Variants in VAT1L observed in about 807,000 individuals in gnomAD.
The protein encoded by VAT1L is vesicle amine transport 1 like.
VAT1L carries 34 observed loss-of-function variants against 44.1 expected under a neutral mutation model. The observed-to-expected ratio is 0.77, with a 90% CI of 0.59 to 1.03. The LOEUF is 1.03. VAT1L is among the 50% of genes least tolerant of loss of function. The probability of loss-of-function intolerance (pLI) is 0.00; values close to 1 mark genes in which losing one functional copy is unlikely to be tolerated. For synonymous variants in VAT1L, 253 were observed against 202.2 expected (o/e 1.25, Z -2.13); for missense variants, 615 against 538.8 (o/e 1.14, Z -1.40).
At chr16:77,881,419 T>A (rs1436027385) in intron 6 of VAT1L, among the ~76,000 whole-genome samples, 1 of 152,216 alleles carries the variant, frequency 6.6e-6, no homozygotes, top group Non-Finnish European at 1.5e-5. Flanking sequence ...AACATGATTA[T>A]AAATGGCTAT....
intron 7 of VAT1L, among the ~76,000 whole-genome samples, chr16:77,890,233 C>T (rs1260001469): frequency 6.6e-6 from 1 of 151,956 alleles, no homozygotes; most frequent in Admixed American, 6.6e-5. Context: ...ACAGCATGAA[C>T]AACATCACAG....
chr16:77,917,927 A>G (rs942888937), intron 7 of VAT1L, among the ~76,000 whole-genome samples: 1 of 152,216 alleles, frequency 6.6e-6, no homozygotes, highest in Non-Finnish European at 1.5e-5. Context: ...AGTTCTGTAT[A>G]TGCAAGACTC....
At chr16:77,827,602 C>T (rs1182305094) in intron 3 of VAT1L, among the ~76,000 whole-genome samples, 1 of 152,174 alleles carries the variant, frequency 6.6e-6, no homozygotes, top group African/African-American at 2.4e-5. Flanking sequence ...ATAGCACAGG[C>T]TATGTTGTCC....
intron 7 of VAT1L, among the ~76,000 whole-genome samples, chr16:77,916,160 G>A (rs574289025): frequency 6.6e-6 from 1 of 152,168 alleles, no homozygotes; most frequent in Non-Finnish European, 1.5e-5. Flanking sequence ...ACGAAAGGGG[G>A]CCAAGGGCAG....
intron 2 of VAT1L, among the ~76,000 whole-genome samples, chr16:77,823,493 C>T (rs2016484414): frequency 2.6e-5 from 4 of 152,042 alleles, no homozygotes; most frequent in Admixed American, 6.6e-5. Context: ...GCAAACATGG[C>T]GGGTGCTCAT....
intron 4 of VAT1L, among the ~76,000 whole-genome samples, chr16:77,871,374 C>T (rs572988568): frequency 6.6e-6 from 1 of 152,148 alleles, no homozygotes; most frequent in South Asian, 2.1e-4. Flanking sequence ...GGGCAGGTGG[C>T]CTGAATGTGA....
chr16:77,864,111 G>A (rs1373915838), intron 4 of VAT1L, among the ~76,000 whole-genome samples: 1 of 152,136 alleles, frequency 6.6e-6, no homozygotes, highest in African/African-American at 2.4e-5. Context: ...CTGCCATCAT[G>A]GTTTTAGATG....
At chr16:77,920,757 G>T (rs571109632) in intron 7 of VAT1L, among the ~76,000 whole-genome samples, 1 of 152,206 alleles carries the variant, frequency 6.6e-6, no homozygotes, top group Admixed American at 6.5e-5. Flanking sequence ...CCAGTAACAT[G>T]CTGTACAGAT....
At chr16:77,837,429 G>A (rs1458966902) in intron 3 of VAT1L, among the ~76,000 whole-genome samples, 1 of 152,118 alleles carries the variant, frequency 6.6e-6, no homozygotes, top group Non-Finnish European at 1.5e-5. Flanking sequence ...TAAACCTCAG[G>A]CTCCTGTGTC....
At chr16:77,968,931 GC>G (rs1475020911) in intron 7 of VAT1L, among the ~76,000 whole-genome samples, 2 of 151,994 alleles carry the variant, frequency 1.3e-5, no homozygotes, top group Non-Finnish European at 2.9e-5. Context: ...CAATTCTCCT[GC>G]CTCAGCCTCC....
At chr16:77,883,883 C>T (rs1343649818) in intron 6 of VAT1L, among the ~76,000 whole-genome samples, 2 of 152,236 alleles carry the variant, frequency 1.3e-5, no homozygotes, top group East Asian at 1.9e-4. Context: ...TCATGTTCCC[C>T]ACCACATTGT....
intron 1 of VAT1L, among the ~76,000 whole-genome samples, chr16:77,814,100 A>G (rs562400243): frequency 4.2e-4 from 64 of 152,318 alleles, no homozygotes; most frequent in Non-Finnish European, 7.9e-4. Context: ...AAAAATTGGT[A>G]TGATAGTTCA....
Position 77,936,580 on chromosome 16 carries a change from C to T in VAT1L, c.1078-35270C>T, listed in dbSNP as rs542319780. Among the ~76,000 whole-genome samples the T allele has an allele frequency of 5.3e-5, 8 of 152,118 alleles. No homozygotes were observed. The South Asian group carries it at 1.2e-3, about 24-fold the overall frequency. On this transcript the variant is annotated intron_variant, in intron 7 of 8. Coordinates refer to ENST00000302536, the MANE Select transcript of VAT1L (RefSeq NM_020927.3). ...AAGAGTGAGAAAAATGGGATTTACT[C>T]GGCAAAAAGGAAAAAAAGGGGAAAC...
intron 2 of VAT1L, among the ~76,000 whole-genome samples, chr16:77,821,985 T>G (rs1329085006): frequency 6.6e-6 from 1 of 152,182 alleles, no homozygotes; most frequent in Non-Finnish European, 1.5e-5. Context: ...TTCTCGTGTT[T>G]CCTGCTGCTT....
At chr16:77,933,755 TA>T (rs2017759487) in intron 7 of VAT1L, among the ~76,000 whole-genome samples, 1 of 152,028 alleles carries the variant, frequency 6.6e-6, no homozygotes, top group Admixed American at 6.5e-5. Flanking sequence ...TGGGTACATT[TA>T]AAAAACAACA....
At chr16:77,961,272 G>A (rs2018157022) in intron 7 of VAT1L, among the ~76,000 whole-genome samples, 1 of 152,076 alleles carries the variant, frequency 6.6e-6, no homozygotes, top group African/African-American at 2.4e-5. Context: ...TCTCCTTGGT[G>A]CACGGTGATC....
intron 8 of VAT1L, among the ~76,000 whole-genome samples, chr16:77,974,721 C>A (rs572546425): frequency 1.2e-3 from 183 of 152,242 alleles, no homozygotes; most frequent in African/African-American, 4.3e-3. Context: ...TGCCACCACA[C>A]CCAGCTAATT....
intron 7 of VAT1L, among the ~76,000 whole-genome samples, chr16:77,919,468 G>GA (rs2017587851): frequency 6.6e-6 from 1 of 152,178 alleles, no homozygotes; most frequent in Non-Finnish European, 1.5e-5. Flanking sequence ...ACATGGAACT[G>GA]AAAAACACCA....
At chr16:77,923,790 G>GAAAAC (rs776102016) in intron 7 of VAT1L, among the ~76,000 whole-genome samples, 43 of 152,158 alleles carry the variant, frequency 2.8e-4, no homozygotes, top group African/African-American at 7.2e-4. Flanking sequence ...GGGGAGAGAG[G>GAAAAC]AAAACAAAAC....
Sources: allele counts gnomAD v4.1 joint callset (sites outside exome capture counted in the v4.1 genomes callset), GRCh38; gene constraint gnomAD v4.1.1; transcripts MANE v1.5; gene names NCBI Gene and HGNC (gene_info 2026-07-23, HGNC 2026-07-21).